Variants in XIRP2 observed in about 807,000 individuals in gnomAD.
The protein encoded by XIRP2 is xin actin binding repeat containing 2.
Under a neutral mutation model 277.0 loss-of-function variants are expected in XIRP2, and 236 were observed. The observed-to-expected ratio is 0.85, with a 90% CI of 0.77 to 0.95. The LOEUF (loss-of-function observed/expected upper bound fraction) is 0.95. XIRP2 is among the 40% of genes least tolerant of loss of function. The pLI, the probability that XIRP2 is intolerant of heterozygous loss-of-function variation, is 0.00. For synonymous variants in XIRP2, 1,490 were observed against 1,416.5 expected (o/e 1.05, Z -1.17); for missense variants, 4,640 against 4,157.5 (o/e 1.12, Z -3.19).
chr2:167,122,454 C>T (rs1006095395), intron 2 of XIRP2, among the ~76,000 whole-genome samples: 1 of 152,168 alleles, frequency 6.6e-6, no homozygotes, highest in African/African-American at 2.4e-5. Context: ...AGAGAAATAA[C>T]AGGCATCAGA....
chr2:166,918,316 C>G (rs1373538725), intron 2 of XIRP2, among the ~76,000 whole-genome samples: 2 of 152,062 alleles, frequency 1.3e-5, no homozygotes, highest in East Asian at 1.9e-4. Flanking sequence ...CTCCATGGCT[C>G]TTGGTGGATC....
intron 3 of XIRP2, among the ~76,000 whole-genome samples, chr2:167,151,088 GC>G (rs200020141): frequency 0.099 from 15,099 of 152,012 alleles, 806 homozygotes; most frequent in South Asian, 0.15. Flanking sequence ...CATCTGAAGA[GC>G]AAAGTCTAGA....
intron 3 of XIRP2, among the ~76,000 whole-genome samples, chr2:167,175,757 T>G (rs993075531): frequency 7.2e-5 from 11 of 152,268 alleles, no homozygotes; most frequent in Admixed American, 7.2e-4. Flanking sequence ...TTCCCCCAGG[T>G]GCTCTGTCCC....
rs1446942774 is a variant in XIRP2 at position 167,251,773 on chromosome 2, G to A, written c.10381G>A (p.Val3461Ile). 2 of 1,613,248 alleles carry A rather than the reference G, an allele frequency of 1.2e-6. No individual in the cohort carries two copies. The highest frequency in any genetic ancestry group is 1.3e-5 in the African/African-American group (1 of 74,822). ...GCATGCCCCACCAACCTATGAGGAT[G>A]TCATTGCTGGACATATTTTAGATAT... ...FKHAPPTYED[V>I]IAGHILDISD... Residue 3461 changes from valine to isoleucine, a missense_variant, in exon 9 of 11, where the codon GTC (valine) becomes ATC (isoleucine). Physicochemically the swap from Val to Ile is conservative, Grantham distance 29. Transcript: ENST00000409195.
chr2:167,243,475 A>G lies in XIRP2; in HGVS notation c.2083A>G (p.Met695Val). ...GGGGGATGTCAAGACTGTGAGATAC[A>G]TGTTTGAAACTCAACATCTAGATCA... ...TGGDVKTVRY[M>V]FETQHLDQLG... The change falls in exon 9 of 11, where the codon ATG becomes GTG. Residue 695 changes from methionine to valine, a missense_variant. Coordinates refer to ENST00000409195, the MANE Select transcript of XIRP2 (RefSeq NM_152381.6). The G allele has an allele frequency of 6.2e-7, 1 of 1,614,136 alleles. No homozygotes were observed. Among genetic ancestry groups the G allele is most frequent in the Middle Eastern group, 1.6e-4 (1 of 6,062 alleles).
rs1685276781 is a variant in XIRP2, at chr2:166,929,655, A to G, written c.408+25765A>G. 2.0e-5 allele frequency among the ~76,000 whole-genome samples: 3 copies of G among 152,000 alleles called. No individual in the cohort carries two copies. The South Asian group carries it at 6.2e-4, about 32-fold the overall frequency. On this transcript the variant is annotated intron_variant, in intron 2 of 10. Coordinates refer to ENST00000409195, the MANE Select transcript of XIRP2 (RefSeq NM_152381.6). ...TCAGTACTTTTTTTTTCCTTATTCC[A>G]TATTTGATAGTATTTTATCAAAACT...
At chr2:166,891,092 G>A (rs1419491204) in intron 1 of XIRP2, among the ~76,000 whole-genome samples, 1 of 152,174 alleles carries the variant, frequency 6.6e-6, no homozygotes, top group East Asian at 1.9e-4. Context: ...AGTTAGATGA[G>A]ATCAGTAAGT....
chr2:166,954,533 A>C (rs1686115217), intron 2 of XIRP2, among the ~76,000 whole-genome samples: 1 of 151,944 alleles, frequency 6.6e-6, no homozygotes, highest in Admixed American at 6.6e-5. Flanking sequence ...ATTAAGAACC[A>C]GAAATACCAT....
At chr2:167,004,869 T>C (rs1309056890) in intron 2 of XIRP2, among the ~76,000 whole-genome samples, 1 of 151,710 alleles carries the variant, frequency 6.6e-6, no homozygotes, top group Non-Finnish European at 1.5e-5. Flanking sequence ...TTCTCACAGA[T>C]ACAAGGCCTC....
chr2:167,241,929 A>G lies in XIRP2; in HGVS notation c.1176+19A>G, dbSNP rs375610065. On this transcript the variant is annotated intron_variant, in intron 8 of 10. Coordinates refer to ENST00000409195, the MANE Select transcript of XIRP2 (RefSeq NM_152381.6). ...GATTAAGGTAAAGTCATTTCTTTAC[A>G]CAGAAACATACTAAGTGTAAGACCA... is the stretch of plus-strand genomic sequence containing the variant. 3 of 1,603,602 alleles carry G rather than the reference A, an allele frequency of 1.9e-6. No homozygotes were observed. The African/African-American group carries it at 4.0e-5, about 22-fold the overall frequency.
intron 2 of XIRP2, among the ~76,000 whole-genome samples, chr2:167,088,213 G>A (rs111364302): frequency 5.9e-5 from 9 of 152,200 alleles, no homozygotes; most frequent in African/African-American, 1.9e-4. Flanking sequence ...AGCATTTTAT[G>A]TATGCTCCTT....
At chr2:167,181,424 A>C (rs1693005296) in intron 3 of XIRP2, among the ~76,000 whole-genome samples, 1 of 152,174 alleles carries the variant, frequency 6.6e-6, no homozygotes. Flanking sequence ...GAATTTCAGC[A>C]TATCTTCTCC....
In XIRP2 at chr2:167,228,100, C is replaced by A. The variant is rs546880415; in HGVS notation, c.858+9800C>A. Among the ~76,000 whole-genome samples the A allele has an allele frequency of 2.0e-5, 3 of 152,266 alleles. No individual in the cohort carries two copies. In the South Asian group the frequency reaches 6.2e-4, roughly 32 times the overall value. ...TAACATAACTAAACCACTGTGTGGA[C>A]TTTTCCTGGGATTGAAGATGTGCCC... On this transcript the variant is annotated intron_variant, in intron 5 of 10. Coordinates refer to ENST00000409195, the MANE Select transcript of XIRP2 (RefSeq NM_152381.6).
At chr2:167,232,978 G>A (rs570183742) in intron 5 of XIRP2, among the ~76,000 whole-genome samples, 3 of 151,904 alleles carry the variant, frequency 2.0e-5, no homozygotes, top group Non-Finnish European at 4.4e-5. Flanking sequence ...CTCTATTAGA[G>A]AGACAGATCG....
Position 167,249,160 on chromosome 2 carries a change from C to CA in XIRP2, c.7774dup (p.Thr2592AsnfsTer3), listed in dbSNP as rs1171604278. 5 of 1,613,628 alleles carry CA rather than the reference C, an allele frequency of 3.1e-6. No individual in the cohort carries two copies. The highest frequency in any genetic ancestry group is 4.5e-5 in the East Asian group (2 of 44,840). On this transcript the variant is annotated frameshift_variant, in exon 9 of 11. Coordinates refer to ENST00000409195, the MANE Select transcript of XIRP2 (RefSeq NM_152381.6). LOFTEE classifies it high-confidence loss of function. Reference sequence around the variant, plus strand: ...AGAGGTGGAAAAGGAAATGCCATTACAAAAAACCAATGAGGAGGTTTCCCT... The same window carrying CA: ...AGAGGTGGAAAAGGAAATGCCATTACAAAAAAACCAATGAGGAGGTTTCCCT...
chr2:166,917,209 G>C (rs2105353619), intron 2 of XIRP2, among the ~76,000 whole-genome samples: 1 of 152,284 alleles, frequency 6.6e-6, no homozygotes, highest in South Asian at 2.1e-4. Context: ...GTCCCACTGA[G>C]AAGAGCCCTC....
At chr2:167,206,190 A>G (rs1172857046) in intron 3 of XIRP2, among the ~76,000 whole-genome samples, 1 of 152,166 alleles carries the variant, frequency 6.6e-6, no homozygotes, top group South Asian at 2.1e-4. Flanking sequence ...ATGTGTTGGT[A>G]TGTTTAAATT....
At chr2:167,232,871 C>T (rs62197393) in intron 5 of XIRP2, among the ~76,000 whole-genome samples, 49 of 151,816 alleles carry the variant, frequency 3.2e-4, no homozygotes, top group Non-Finnish European at 5.7e-4. Flanking sequence ...GATTTATTTA[C>T]TTTTCTAAGG....
rs189732268 is a variant in XIRP2 at position 166,891,454 on chromosome 2, G to A, written c.-19+2897G>A. 2.9e-3 allele frequency among the ~76,000 whole-genome samples: 441 copies of A among 152,222 alleles called. 1 individual carries two copies. The highest frequency in any genetic ancestry group is 3.6e-3 in the Non-Finnish European group (248 of 68,008). On this transcript the variant is annotated intron_variant, in intron 1 of 10. Coordinates refer to ENST00000409195, the MANE Select transcript of XIRP2 (RefSeq NM_152381.6). ...TGTTCTGATAAACCTAGCATAGCTG[G>A]AGAAGTTAATGTAATTGACAATATA...
Sources: gnomAD v4.1 joint callset for allele counts (sites outside exome capture counted in the v4.1 genomes callset) on GRCh38, gnomAD v4.1.1 for gene constraint, MANE v1.5 for transcripts, NCBI Gene and HGNC (gene_info 2026-07-23, HGNC 2026-07-21) for gene names.